The following HMCN2 variants were observed in gnomAD, a reference collection of about 807,000 sequenced individuals.
HMCN2 encodes hemicentin-2.
In HMCN2, 325 loss-of-function variants were observed where a neutral mutation model predicts 377.5. The ratio of observed to expected loss-of-function variants is 0.86; its 90% confidence interval spans 0.79 to 0.94. The LOEUF is 0.94. Ranked by LOEUF, HMCN2 falls within the 40% of genes least tolerant of loss-of-function variation. The pLI, the probability that HMCN2 is intolerant of heterozygous loss-of-function variation, is 0.00. For synonymous variants in HMCN2, 2,007 were observed against 2,046.8 expected, an observed-to-expected ratio of 0.98 and a Z score of 0.53; for missense variants, 4,543 against 4,725.3, an observed-to-expected ratio of 0.96 and a Z score of 1.13.
chr9:130,300,215 T>C (rs1836431471), intron 8 of HMCN2, among the ~76,000 whole-genome samples: 1 of 151,750 alleles, frequency 6.6e-6, no homozygotes, highest in Admixed American at 6.6e-5. Context: ...ACCCATTCAC[T>C]ATTAATTCAC....
intron 15 of HMCN2, among the ~76,000 whole-genome samples, chr9:130,312,582 TTC>T (rs1326284503): frequency 1.1e-5 from 1 of 94,238 alleles, no homozygotes; most frequent in African/African-American, 4.0e-5. Context: ...CTTTCTTTCT[TTC>T]TTTCTTTCTT....
chr9:130,418,888 G>A lies in HMCN2; in HGVS notation c.13078G>A (p.Gly4360Ser). ...PTPTIEWLQAGQPLRASRRLR... is the reference protein window; with the variant it reads ...PTPTIEWLQASQPLRASRRLR... ...ACCCACCATTGAATGGCTACAGGCG[G>A]GTCAACCCTTGCGGGCCAGCCGGCG... The change falls in exon 86 of 98, where the codon GGT (glycine) becomes AGT (serine). Residue 4360 changes from glycine to serine, a missense_variant. Coordinates refer to ENST00000683500, the MANE Select transcript of HMCN2 (RefSeq NM_001291815.2). The A allele has an allele frequency of 6.5e-7, 1 of 1,549,926 alleles. No individual in the cohort carries two copies.
chr9:130,302,413 G>A (rs776668245), intron 8 of HMCN2, among the ~76,000 whole-genome samples: 21 of 152,142 alleles, frequency 1.4e-4, no homozygotes, highest in East Asian at 5.8e-4. Flanking sequence ...TGTTCTAGGC[G>A]GAGAAGCAAT....
chr9:130,392,760 G>A (rs1842386477), intron 66 of HMCN2, among the ~76,000 whole-genome samples: 3 of 152,266 alleles, frequency 2.0e-5, no homozygotes, highest in South Asian at 4.1e-4. Flanking sequence ...ACTTTGGGAG[G>A]CCAAGGCGGG....
chr9:130,418,997 A>G lies in HMCN2; in HGVS notation c.13187A>G (p.Asn4396Ser). 1.3e-6 allele frequency: 2 copies of G among 1,502,748 alleles called. No individual in the cohort carries two copies. Among genetic ancestry groups the G allele is most frequent in the South Asian group, 1.3e-5 (1 of 77,374 alleles). The allele number at this position is 1,502,748 out of a possible 1,614,324, so 93.1% of individuals were successfully genotyped here. ...GGCACCTACGACTGCGTCGCTCACA[A>G]CCTCCTGGGCTCTGCCACAGCCCGG... ...DAGTYDCVAHNLLGSATARAF... is the reference protein window; with the variant it reads ...DAGTYDCVAHSLLGSATARAF... Residue 4396 changes from asparagine to serine, a missense_variant, in exon 86 of 98, where the codon AAC becomes AGC. Around this residue, in one of 5 missense-constraint regions of HMCN2, gnomAD observed 1,155 missense variants for 1,157.7 expected, o/e 1.00. Coordinates refer to ENST00000683500, the MANE Select transcript of HMCN2 (RefSeq NM_001291815.2).
chr9:130,354,507 T>G (rs1469138015), intron 31 of HMCN2, among the ~76,000 whole-genome samples: 1 of 152,206 alleles, frequency 6.6e-6, no homozygotes, highest in East Asian at 1.9e-4. Flanking sequence ...CCACTCATGC[T>G]GGGCTTGCCG....
chr9:130,345,491 T>C lies in HMCN2; in HGVS notation c.3830-1675T>C, dbSNP rs975004612. On this transcript the variant is annotated intron_variant, in intron 25 of 97. Transcript: ENST00000683500. ...AGGGTGTGGTGTGTGTGTTGTTTGG[T>C]ATGTATGTCATGTGTGGTATGTGTA... 3.9e-3 allele frequency among the ~76,000 whole-genome samples: 584 copies of C among 150,252 alleles called. 5 individuals carry two copies. The highest frequency in any genetic ancestry group is 0.013 in the African/African-American group (540 of 40,736).
chr9:130,293,359 A>C (rs1053191805), intron 4 of HMCN2, among the ~76,000 whole-genome samples: 1 of 122,992 alleles, frequency 8.1e-6, no homozygotes, highest in Non-Finnish European at 1.7e-5. Flanking sequence ...TTTGGAATTC[A>C]CTTGGAGATG....
In HMCN2 at chr9:130,428,370, G is replaced by C. The variant is rs758437895; in HGVS notation, c.14078G>C (p.Cys4693Ser). The C allele has an allele frequency of 1.3e-6, 2 of 1,547,694 alleles. No individual in the cohort carries two copies. The change falls in exon 93 of 98, where the codon TGT becomes TCT. Residue 4693 changes from cysteine to serine, a missense_variant. Physicochemically the swap from Cys to Ser is moderately radical, Grantham distance 112. Transcript: ENST00000683500. The surrounding 1 kb of genome is among the most constrained non-coding windows in gnomAD (Gnocchi z 5.0). ...DDRNCRDVDE[C>S]AWDAHLCREG... ...GATCTGCCCCCAGATGTGGACGAGT[G>C]TGCGTGGGATGCTCACCTCTGCCGA... is the stretch of plus-strand genomic sequence containing the variant.
At chr9:130,381,187 C>T (rs1477399406) in intron 54 of HMCN2, among the ~76,000 whole-genome samples, 1 of 152,150 alleles carries the variant, frequency 6.6e-6, no homozygotes, top group Admixed American at 6.5e-5. Context: ...ATCAACTGAC[C>T]CCTACAATGC....
chr9:130,328,519 C>G (rs1838264420), intron 22 of HMCN2, among the ~76,000 whole-genome samples: 1 of 152,236 alleles, frequency 6.6e-6, no homozygotes, highest in Non-Finnish European at 1.5e-5. Context: ...GCGAAAGCCA[C>G]TTTTGCAATC....
intron 85 of HMCN2, among the ~76,000 whole-genome samples, chr9:130,412,675 C>T (rs971227752): frequency 2.0e-5 from 3 of 151,116 alleles, no homozygotes; most frequent in Admixed American, 6.6e-5. Flanking sequence ...CTCCAAGGTT[C>T]AAGCAATCCT....
At chr9:130,384,559 C>T in intron 58 of HMCN2, 25 bp downstream of exon 58, 1 of 1,304,174 alleles carries the variant, frequency 7.7e-7, no homozygotes, top group African/African-American at 1.5e-5. Context: ...GTGTCCGGCC[C>T]AGCTCTAAGG....
At chr9:130,373,566 A>AGGAT (rs199943504) in intron 48 of HMCN2, among the ~76,000 whole-genome samples, 1 of 102,992 alleles carries the variant, frequency 9.7e-6, no homozygotes, top group African/African-American at 4.0e-5. Context: ...TATGGGTTGA[A>AGGAT]GGATGGATGG....
chr9:130,336,633 AC>A (rs1838761610), intron 22 of HMCN2, among the ~76,000 whole-genome samples: 1 of 152,094 alleles, frequency 6.6e-6, no homozygotes, highest in Non-Finnish European at 1.5e-5. Context: ...TGTGTCATCC[AC>A]AGCCATCCTC....
Position 130,359,749 on chromosome 9 carries a change from G to A in HMCN2, c.5773+335G>A, listed in dbSNP as rs369127886. ...CTCTAGACCAGAAGTGGAGGAAAGG[G>A]CCGGGAGCTGGGGGCTGGGTGTGGG... On this transcript the variant is annotated intron_variant, in intron 37 of 97. Transcript: ENST00000683500. 7.2e-5 allele frequency among the ~76,000 whole-genome samples: 11 copies of A among 152,308 alleles called. No homozygotes were observed. In the South Asian group the frequency reaches 1.9e-3, roughly 26 times the overall value.
intron 62 of HMCN2, among the ~76,000 whole-genome samples, chr9:130,390,160 A>G (rs911619324): frequency 6.6e-6 from 1 of 152,124 alleles, no homozygotes; most frequent in Non-Finnish European, 1.5e-5. Context: ...ATACCCACCC[A>G]GGCTCCCGTG....
intron 79 of HMCN2, 23 bp downstream of exon 79, chr9:130,403,351 C>T (rs960270289): frequency 1.6e-6 from 2 of 1,289,356 alleles, no homozygotes; most frequent in African/African-American, 1.5e-5. Context: ...GGCAGCCAGC[C>T]TGGGAAGGGA....
intron 4 of HMCN2, among the ~76,000 whole-genome samples, chr9:130,293,278 A>ATTTTTTTTTTTTTTTTTTTTT (rs1554930691): frequency 6.7e-5 from 2 of 30,022 alleles, no homozygotes; most frequent in African/African-American, 4.5e-4. Context: ...TACTCACTAA[A>ATTTTTTTTTTTTTTTTTTTTT]GTTTTTTTTT....
Sources: gnomAD v4.1 joint callset for allele counts (sites outside exome capture counted in the v4.1 genomes callset) on GRCh38, gnomAD v4.1.1 for gene constraint, gnomAD v4.1.1 regional missense constraint, Gnocchi (gnomAD v3.1) non-coding constraint, MANE v1.5 for transcripts, NCBI Gene and HGNC (gene_info 2026-07-23, HGNC 2026-07-21) for gene names.